CADM2: variants seen among roughly 807,000 people sequenced by gnomAD.
CADM2 encodes immunoglobulin superfamily member 4D.
Under a neutral mutation model 49.8 loss-of-function variants are expected in CADM2, and 12 were observed. That is an observed-to-expected ratio of 0.24 (90% CI 0.15 to 0.39). The LOEUF is 0.39. Among genes scored for constraint, CADM2 ranks in the 10% least tolerant of loss-of-function variants. The pLI, the probability that CADM2 is intolerant of heterozygous loss-of-function variation, is 1.00. For missense variants in CADM2, 378 were observed against 492.3 expected, an observed-to-expected ratio of 0.77 and a Z score of 2.20; for synonymous variants, 214 against 175.4, an observed-to-expected ratio of 1.22 and a Z score of -1.74.
intron 1 of CADM2, among the ~76,000 whole-genome samples, chr3:85,540,932 A>G (rs1275880996): frequency 6.6e-6 from 1 of 151,922 alleles, no homozygotes; most frequent in Non-Finnish European, 1.5e-5. Context: ...TTCTTTTCTT[A>G]TAAAGACACT....
At chr3:85,563,511 A>G (rs1644431243) in intron 1 of CADM2, among the ~76,000 whole-genome samples, 1 of 151,978 alleles carries the variant, frequency 6.6e-6, no homozygotes, top group Non-Finnish European at 1.5e-5. Context: ...TATGGGAATT[A>G]CTATTTCTGA....
intron 1 of CADM2, among the ~76,000 whole-genome samples, chr3:85,455,302 G>A (rs2117153): frequency 0.53 from 80,036 of 152,016 alleles, 23,206 homozygotes; most frequent in East Asian, 0.83. Context: ...AATACATGTC[G>A]CTAATTGCAC....
At chr3:85,235,035 TTC>T (rs577914965) in intron 1 of CADM2, among the ~76,000 whole-genome samples, 1 of 151,902 alleles carries the variant, frequency 6.6e-6, no homozygotes. Flanking sequence ...CTCTCTCTCT[TTC>T]TCTCTCTGTC....
At chr3:85,127,509 T>C (rs2039076150) in intron 1 of CADM2, among the ~76,000 whole-genome samples, 1 of 152,250 alleles carries the variant, frequency 6.6e-6, no homozygotes, top group Non-Finnish European at 1.5e-5. Flanking sequence ...GGACTCAGCC[T>C]GGAGAGAAGG....
chr3:86,037,671 G>A (rs747770978), intron 8 of CADM2, among the ~76,000 whole-genome samples: 1 of 151,920 alleles, frequency 6.6e-6, no homozygotes, highest in African/African-American at 2.4e-5. Context: ...TTTATTTTAA[G>A]TATTTATTGT....
intron 5 of CADM2, among the ~76,000 whole-genome samples, chr3:85,906,065 G>A (rs148937221): frequency 6.6e-6 from 1 of 152,128 alleles, no homozygotes; most frequent in Non-Finnish European, 1.5e-5. Flanking sequence ...CTTGCCTGCT[G>A]CTACAGAAGT....
chr3:85,404,657 A>G (rs1037908142), intron 1 of CADM2, among the ~76,000 whole-genome samples: 1 of 152,176 alleles, frequency 6.6e-6, no homozygotes, highest in East Asian at 1.9e-4. Context: ...CTTGAGTTAA[A>G]TATGTTTAAA....
chr3:85,280,249 C>T (rs575530815), intron 1 of CADM2, among the ~76,000 whole-genome samples: 5 of 151,742 alleles, frequency 3.3e-5, no homozygotes, highest in South Asian at 2.1e-4. Context: ...CCTCAACTTT[C>T]GCTTGTCTGA....
rs144837606 is a variant in CADM2, at chr3:85,563,756, C to T, written c.62-162766C>T. ...AATTTGCACGGTGATGACTAGCAAC[C>T]GAAAATGAAGCAAGTGGCCAAAATT... On this transcript the variant is annotated intron_variant, in intron 1 of 9. Coordinates refer to ENST00000383699, the MANE Select transcript of CADM2 (RefSeq NM_001167675.2). Among the ~76,000 whole-genome samples, 3 of 152,016 alleles carry T rather than the reference C, an allele frequency of 2.0e-5. No homozygotes were observed. The East Asian group carries it at 5.8e-4, about 29-fold the overall frequency.
At chr3:85,839,123 A>G (rs989380462) in intron 3 of CADM2, among the ~76,000 whole-genome samples, 1 of 151,748 alleles carries the variant, frequency 6.6e-6, no homozygotes, top group Admixed American at 6.6e-5. Flanking sequence ...CCTGAAGCAA[A>G]TTTAACAGCC....
intron 8 of CADM2, among the ~76,000 whole-genome samples, chr3:85,981,332 A>T (rs893849959): frequency 1.3e-5 from 2 of 151,472 alleles, no homozygotes; most frequent in African/African-American, 4.8e-5. Context: ...CTTAAGTGGG[A>T]TTTGGTCTAT....
intron 8 of CADM2, among the ~76,000 whole-genome samples, chr3:85,964,881 T>C (rs1725284535): frequency 6.6e-6 from 1 of 151,758 alleles, no homozygotes; most frequent in African/African-American, 2.4e-5. Flanking sequence ...TTGAAGTATA[T>C]CTCTTGTGAT....
rs1251995741 is a variant in CADM2, at chr3:85,839,791, G to A, written c.238+37595G>A. Among the ~76,000 whole-genome samples the A allele has an allele frequency of 2.6e-5, 4 of 151,896 alleles. No individual in the cohort carries two copies. The East Asian group carries it at 7.8e-4, about 30-fold the overall frequency. On this transcript the variant is annotated intron_variant, in intron 3 of 9. Coordinates refer to ENST00000383699, the MANE Select transcript of CADM2 (RefSeq NM_001167675.2). ...TACTGAATTTAGTTACCACATGTTAGACTAAATAAATGGCTATGTATTCTT... is the reference window on the plus strand; with the variant it reads ...TACTGAATTTAGTTACCACATGTTAAACTAAATAAATGGCTATGTATTCTT...
At chr3:85,797,682 C>T (rs1465705322) in intron 2 of CADM2, among the ~76,000 whole-genome samples, 2 of 152,066 alleles carry the variant, frequency 1.3e-5, no homozygotes, top group East Asian at 1.9e-4. Context: ...GGGTTGGTTC[C>T]AAGTCTTTGC....
chr3:85,394,217 T>C (rs2034660973), intron 1 of CADM2, among the ~76,000 whole-genome samples: 1 of 152,240 alleles, frequency 6.6e-6, no homozygotes, highest in African/African-American at 2.4e-5. Flanking sequence ...AGTTGATATA[T>C]CTTCCATAAA....
intron 1 of CADM2, among the ~76,000 whole-genome samples, chr3:85,341,846 G>T (rs1161067027): frequency 1.3e-5 from 2 of 152,032 alleles, no homozygotes; most frequent in Non-Finnish European, 2.9e-5. Context: ...AGGAACTGAA[G>T]ATATATGTTG....
chr3:85,313,306 A>T (rs566722673), intron 1 of CADM2, among the ~76,000 whole-genome samples: 1 of 152,310 alleles, frequency 6.6e-6, no homozygotes, highest in Admixed American at 6.5e-5. Context: ...TAAGAATAGG[A>T]TTTATTTATT....
chr3:85,968,181 G>T (rs1043010557), intron 8 of CADM2, among the ~76,000 whole-genome samples: 1 of 151,450 alleles, frequency 6.6e-6, no homozygotes, highest in Non-Finnish European at 1.5e-5. Flanking sequence ...TTCTTTAATC[G>T]CTGAGATAAA....
intron 1 of CADM2, among the ~76,000 whole-genome samples, chr3:85,672,843 A>G (rs2065781645): frequency 6.6e-6 from 1 of 152,188 alleles, no homozygotes; most frequent in Non-Finnish European, 1.5e-5. Context: ...CAGATTTTTC[A>G]TTTTTATTTA....
Sources: gnomAD v4.1 joint callset for allele counts (sites outside exome capture counted in the v4.1 genomes callset) on GRCh38, gnomAD v4.1.1 for gene constraint, MANE v1.5 for transcripts, NCBI Gene and HGNC (gene_info 2026-07-23, HGNC 2026-07-21) for gene names.